The following FAM98C variants were observed in gnomAD, a reference collection of about 807,000 sequenced individuals.
FAM98C encodes the protein tRNA splicing ligase complex subunit 3C.
Under a neutral mutation model 41.1 loss-of-function variants are expected in FAM98C, and 38 were observed. The observed-to-expected ratio is 0.92, with a 90% CI of 0.71 to 1.21. FAM98C has a LOEUF of 1.21. Among genes scored for constraint, FAM98C ranks in the 50% most tolerant of loss-of-function variants. The pLI, the probability that FAM98C is intolerant of heterozygous loss-of-function variation, is 0.00. For missense variants in FAM98C, 493 were observed against 484.7 expected (o/e 1.02, Z -0.16); for synonymous variants, 195 against 216.7 (o/e 0.90, Z 0.88).
In FAM98C at chr19:38,408,786, C is replaced by CT. The variant is rs1971094600; in HGVS notation, c.954_955insT (p.Pro319SerfsTer3). ...GCAACGTTCCAGACCGGGGGGGCCG[C>CT]CCAAATGAGCTGGAGCCTCCCATGC... On this transcript the variant is annotated frameshift_variant, in exon 8 of 8. Transcript: ENST00000252530. LOFTEE classifies it high-confidence loss of function. 5 of 1,613,800 alleles carry CT rather than the reference C, an allele frequency of 3.1e-6. No individual in the cohort carries two copies. The African/African-American group carries it at 6.7e-5, about 22-fold the overall frequency.
Sources: gnomAD v4.1 joint callset for allele counts on GRCh38, gnomAD v4.1.1 for gene constraint, MANE v1.5 for transcripts, NCBI Gene and HGNC (gene_info 2026-07-23, HGNC 2026-07-21) for gene names.